Variants in PLCB1 observed in about 807,000 individuals in gnomAD.
PLCB1 encodes phospholipase C beta 1, also known as 1-phosphatidylinositol 4,5-bisphosphate phosphodiesterase beta-1.
Under a neutral mutation model 161.8 loss-of-function variants are expected in PLCB1, and 46 were observed. That is an observed-to-expected ratio of 0.28 (90% CI 0.22 to 0.36). The LOEUF (loss-of-function observed/expected upper bound fraction) is 0.36, where lower values mean the gene tolerates loss of function less well. PLCB1 is among the 10% of genes least tolerant of loss of function. PLCB1 has a pLI of 1.00. For missense variants in PLCB1, 1,016 were observed against 1,472.5 expected (o/e 0.69, Z 5.07); for synonymous variants, 517 against 503.7 (o/e 1.03, Z -0.35).
chr20:8,731,900 A>AT (rs962971650), intron 18 of PLCB1, among the ~76,000 whole-genome samples: 7 of 151,878 alleles, frequency 4.6e-5, no homozygotes, highest in African/African-American at 1.4e-4. Context: ...AATTTCACTG[A>AT]TTTTTTTCTG....
At chr20:8,869,935 G>T (rs1473457708) in intron 31 of PLCB1, among the ~76,000 whole-genome samples, 1 of 152,184 alleles carries the variant, frequency 6.6e-6, no homozygotes, top group Non-Finnish European at 1.5e-5. Context: ...TCTTCTACTA[G>T]AGTAGTCTAA....
chr20:8,489,422 A>T (rs1982856809), intron 3 of PLCB1, among the ~76,000 whole-genome samples: 1 of 152,210 alleles, frequency 6.6e-6, no homozygotes, highest in Non-Finnish European at 1.5e-5. Flanking sequence ...GACCTAGTTA[A>T]ATAAATCGTT....
chr20:8,695,685 G>C (rs1176261937), intron 10 of PLCB1, among the ~76,000 whole-genome samples: 1 of 152,202 alleles, frequency 6.6e-6, no homozygotes, highest in Non-Finnish European at 1.5e-5. Context: ...CTCGGTGACA[G>C]AGTGAGATCC....
chr20:8,229,858 TAAAATA>T (rs1393254453), intron 2 of PLCB1, among the ~76,000 whole-genome samples: 461 of 26,444 alleles, frequency 0.017, 3 homozygotes, highest in African/African-American at 0.086. Context: ...GCCCATCTCA[TAAAATA>T]AAATAAAATA....
chr20:8,848,459 A>G (rs1986770132), intron 31 of PLCB1, among the ~76,000 whole-genome samples: 1 of 151,978 alleles, frequency 6.6e-6, no homozygotes. Context: ...TTCTAAATCT[A>G]CTTATTAACA....
chr20:8,868,949 A>G (rs763195223), intron 31 of PLCB1, among the ~76,000 whole-genome samples: 22 of 152,162 alleles, frequency 1.4e-4, no homozygotes, highest in Non-Finnish European at 2.8e-4. Context: ...GCAAGAATTT[A>G]GTATTCAGAT....
chr20:8,587,413 T>C (rs1987023474), intron 3 of PLCB1, among the ~76,000 whole-genome samples: 2 of 152,236 alleles, frequency 1.3e-5, no homozygotes, highest in African/African-American at 4.8e-5. Flanking sequence ...TTATGTAATA[T>C]CATAATGACC....
chr20:8,478,367 A>C (rs1982366751), intron 3 of PLCB1, among the ~76,000 whole-genome samples: 1 of 152,156 alleles, frequency 6.6e-6, no homozygotes, highest in South Asian at 2.1e-4. Context: ...AGACAGACTG[A>C]GCAGAAAAAA....
chr20:8,742,259 A>T (rs1980917555), intron 23 of PLCB1, among the ~76,000 whole-genome samples: 1 of 152,156 alleles, frequency 6.6e-6, no homozygotes, highest in South Asian at 2.1e-4. Flanking sequence ...AATATTAAAA[A>T]TAGTGATAAA....
At chr20:8,359,789 G>C (rs912259490) in intron 2 of PLCB1, among the ~76,000 whole-genome samples, 1 of 152,032 alleles carries the variant, frequency 6.6e-6, no homozygotes, top group African/African-American at 2.4e-5. Flanking sequence ...TATTTTCGAG[G>C]ACATTTTTGA....
chr20:8,472,090 T>G (rs1435764609), intron 3 of PLCB1, among the ~76,000 whole-genome samples: 2 of 152,202 alleles, frequency 1.3e-5, no homozygotes, highest in Non-Finnish European at 2.9e-5. Context: ...AATAATTATT[T>G]TTGATTTCTC....
chr20:8,506,127 G>C (rs1983626825), intron 3 of PLCB1, among the ~76,000 whole-genome samples: 1 of 152,148 alleles, frequency 6.6e-6, no homozygotes, highest in African/African-American at 2.4e-5. Context: ...TAACACTTGA[G>C]CCAACATGGT....
chr20:8,132,671 G>T lies in PLCB1; in HGVS notation c.20G>T (p.Gly7Val). Reference sequence around the variant, plus strand: ...GCCCAGATGGCCGGGGCTCAACCCGGAGTGCACGCCTTGCAACTCAAGCCC... The same window carrying T: ...GCCCAGATGGCCGGGGCTCAACCCGTAGTGCACGCCTTGCAACTCAAGCCC... MAGAQP[G>V]VHALQLKPVC... The change falls in exon 1 of 32, where the codon GGA becomes GTA. Residue 7 changes from glycine to valine, a missense_variant. Physicochemically the swap from Gly to Val is moderately radical, Grantham distance 109. Around this residue, in one of 10 missense-constraint regions of PLCB1, gnomAD observed 181 missense variants for 236.7 expected, o/e 0.76. Coordinates refer to ENST00000338037, the MANE Select transcript of PLCB1 (RefSeq NM_015192.4). This position sits in a 1 kb window ranked among gnomAD's most constrained non-coding sequence, Gnocchi z 5.2. 1.2e-6 allele frequency: 2 copies of T among 1,612,204 alleles called. No individual in the cohort carries two copies. The highest frequency in any genetic ancestry group is 1.7e-6 in the Non-Finnish European group (2 of 1,179,042).
At chr20:8,174,528 A>G (rs1198647134) in intron 2 of PLCB1, among the ~76,000 whole-genome samples, 1 of 152,206 alleles carries the variant, frequency 6.6e-6, no homozygotes, top group African/African-American at 2.4e-5. Context: ...GAAACAGAAA[A>G]TAATGGAAAG....
intron 3 of PLCB1, among the ~76,000 whole-genome samples, chr20:8,547,820 T>G (rs143435592): frequency 4.3e-4 from 65 of 152,326 alleles, no homozygotes; most frequent in Admixed American, 1.5e-3. Flanking sequence ...GCTTTTAGTA[T>G]AAATATCAAA....
chr20:8,622,043 G>A (rs1988198663), intron 3 of PLCB1, among the ~76,000 whole-genome samples: 1 of 151,472 alleles, frequency 6.6e-6, no homozygotes, highest in Non-Finnish European at 1.5e-5. Context: ...GGATCACGAG[G>A]TCAAGAGATG....
chr20:8,470,440 T>C (rs1982002408), intron 3 of PLCB1, among the ~76,000 whole-genome samples: 1 of 152,206 alleles, frequency 6.6e-6, no homozygotes, highest in African/African-American at 2.4e-5. Flanking sequence ...ATTTATCTTT[T>C]TGTTTACAGT....
At chr20:8,611,219 A>C (rs1987895066) in intron 3 of PLCB1, among the ~76,000 whole-genome samples, 1 of 152,102 alleles carries the variant, frequency 6.6e-6, no homozygotes, top group East Asian at 1.9e-4. Context: ...TAAGGAAAAA[A>C]ATATTGTGTT....
chr20:8,860,230 G>A (rs1987206838), intron 31 of PLCB1, among the ~76,000 whole-genome samples: 1 of 152,196 alleles, frequency 6.6e-6, no homozygotes, highest in African/African-American at 2.4e-5. Flanking sequence ...ATTTATAGTA[G>A]TAGTCATTGT....
Sources: gnomAD v4.1 joint callset for allele counts (sites outside exome capture counted in the v4.1 genomes callset) on GRCh38, gnomAD v4.1.1 for gene constraint, gnomAD v4.1.1 regional missense constraint, Gnocchi (gnomAD v3.1) non-coding constraint, MANE v1.5 for transcripts, NCBI Gene and HGNC (gene_info 2026-07-23, HGNC 2026-07-21) for gene names.